MGST1: variants seen among roughly 807,000 people sequenced by gnomAD.
The protein encoded by MGST1 is microsomal glutathione S-transferase 1, also known as glutathione S-transferase 12.
A neutral mutation model predicts 8.9 loss-of-function variants in MGST1; 5 were observed. The ratio of observed to expected loss-of-function variants is 0.56; its 90% CI spans 0.29 to 1.19. MGST1 has a LOEUF of 1.19. MGST1 is among the 50% of genes most tolerant of loss of function. The pLI is 0.08. For missense variants in MGST1, 182 were observed against 187.4 expected (o/e 0.97, Z 0.17); for synonymous variants, 54 against 67.8 (o/e 0.80, Z 1.00).
At chr12:16,447,223 A>T (rs1018051850) in intron 4 of MGST1, among the ~76,000 whole-genome samples, 2 of 151,916 alleles carry the variant, frequency 1.3e-5, no homozygotes, top group African/African-American at 4.8e-5. Flanking sequence ...ATCTAGTTTC[A>T]TGTCCTGCCT....
intron 1 of MGST1, among the ~76,000 whole-genome samples, chr12:16,394,518 CTTT>C (rs1940585154): frequency 2.6e-5 from 2 of 77,678 alleles, no homozygotes; most frequent in African/African-American, 1.0e-4. Context: ...CTCTCCCTTT[CTTT>C]CTTTCTTTCT....
At chr12:16,434,910 C>T (rs964980540) in intron 1 of MGST1, among the ~76,000 whole-genome samples, 27 of 151,960 alleles carry the variant, frequency 1.8e-4, no homozygotes, top group Non-Finnish European at 2.9e-5. Flanking sequence ...ATTGAAAGAA[C>T]ATAAGCAATG....
intron 4 of MGST1, among the ~76,000 whole-genome samples, chr12:16,496,421 CAA>C (rs1378088586): frequency 6.6e-6 from 1 of 152,120 alleles, no homozygotes; most frequent in East Asian, 1.9e-4. Context: ...AACTATAACA[CAA>C]TGTCATTTAA....
intron 1 of MGST1, among the ~76,000 whole-genome samples, chr12:16,432,046 A>G (rs138331972): frequency 2.1e-3 from 318 of 152,248 alleles, no homozygotes; most frequent in African/African-American, 7.4e-3. Context: ...CAATACTACT[A>G]CTTGATGTGG....
chr12:16,532,330 T>A (rs2137201785), intron 4 of MGST1, among the ~76,000 whole-genome samples: 1 of 152,222 alleles, frequency 6.6e-6, no homozygotes, highest in South Asian at 2.1e-4. Flanking sequence ...CCTGCTAAGT[T>A]GTTTCATTCC....
Position 16,470,627 on chromosome 12 carries a change from A to G in MGST1, n.482+87023A>G, listed in dbSNP as rs182371407. On this transcript the variant is annotated intron_variant and non_coding_transcript_variant, in intron 4 of 4. Coordinates refer to the MGST1 transcript ENST00000538857. ...TCTTGTACCAGTATAGATATGATGA[A>G]GAATTTCTAAGTACCTAATCTATTG... 9.8e-5 allele frequency among the ~76,000 whole-genome samples: 15 copies of G among 152,350 alleles called. No individual in the cohort carries two copies. The East Asian group carries it at 2.9e-3, about 29-fold the overall frequency.
At chr12:16,409,428 A>G (rs1940723518) in intron 1 of MGST1, among the ~76,000 whole-genome samples, 1 of 152,120 alleles carries the variant, frequency 6.6e-6, no homozygotes, top group Non-Finnish European at 1.5e-5. Context: ...CAATAGGGTG[A>G]TGTAATAAGG....
rs990503615 is a variant in MGST1 at position 16,537,654 on chromosome 12, T to A, written n.483-51874T>A. Among the ~76,000 whole-genome samples the A allele has an allele frequency of 1.3e-5, 2 of 152,216 alleles. No individual in the cohort carries two copies. The highest frequency in any genetic ancestry group is 2.4e-5 in the African/African-American group (1 of 41,460). On this transcript the variant is annotated intron_variant and non_coding_transcript_variant, in intron 4 of 4. Transcript: ENST00000538857. This position sits in a 1 kb window ranked among gnomAD's most constrained non-coding sequence, Gnocchi z 4.6. Reference sequence around the variant, plus strand: ...CCTCAATTCTTGACTTCTGTGCACCTGCAGACTCAACACCATGTGAAAGGT... The same window carrying A: ...CCTCAATTCTTGACTTCTGTGCACCAGCAGACTCAACACCATGTGAAAGGT...
At position 16,559,308 on chromosome 12, in the gene MGST1, T is replaced by A. The variant is rs1274306176; in HGVS notation, n.483-30220T>A. 6.6e-6 allele frequency among the ~76,000 whole-genome samples: 1 copy of A among 152,164 alleles called. No homozygotes were observed. Among genetic ancestry groups the A allele is most frequent in the East Asian group, 1.9e-4 (1 of 5,200 alleles). On this transcript the variant is annotated intron_variant and non_coding_transcript_variant, in intron 4 of 4. Coordinates refer to the MGST1 transcript ENST00000538857. The surrounding 1 kb of genome is among the most constrained non-coding windows in gnomAD (Gnocchi z 4.1). ...AAAACAGGTGCCAGTAGTATATAGT[T>A]TTCACAGAAATAAAAAATATAACTT... is the stretch of plus-strand genomic sequence containing the variant.
chr12:16,402,214 C>T, intron 1 of MGST1: 2 of 1,586,110 alleles, frequency 1.3e-6, no homozygotes, highest in South Asian at 2.2e-5. Flanking sequence ...ATTTTGTCAT[C>T]ACAAAAGACC....
At chr12:16,387,805 G>A (rs911055931) in intron 1 of MGST1, among the ~76,000 whole-genome samples, 8 of 151,914 alleles carry the variant, frequency 5.3e-5, no homozygotes, top group African/African-American at 7.2e-5. Flanking sequence ...GATTACAGGC[G>A]TGAGCCGCCG....
intron 1 of MGST1, among the ~76,000 whole-genome samples, chr12:16,353,041 T>G (rs1309169752): frequency 1.3e-5 from 2 of 152,072 alleles, no homozygotes; most frequent in African/African-American, 4.8e-5. Context: ...CAATTTTTTT[T>G]TTTGGAGGGG....
rs971094513 is a variant in MGST1 at position 16,560,628 on chromosome 12, G to A, written n.483-28900G>A. 11 of 1,145,046 alleles carry A rather than the reference G, an allele frequency of 9.6e-6. No individual in the cohort carries two copies. Among genetic ancestry groups the A allele is most frequent in the Non-Finnish European group, 1.4e-5 (11 of 790,552 alleles). The allele number at this position is 1,145,046 out of a possible 1,614,324, so 70.9% of individuals were successfully genotyped here. A position where few individuals can be genotyped will look rare whatever the true frequency, so the allele number is the denominator to read the frequency against. On this transcript the variant is annotated intron_variant and non_coding_transcript_variant, in intron 4 of 4. Transcript: ENST00000538857. The surrounding 1 kb of genome is among the most constrained non-coding windows in gnomAD (Gnocchi z 5.0). ...AGATGATGTTAATATACTCTGTAAA[G>A]CTACAATACACAATGCTTTATGATG...
At chr12:16,409,603 C>T (rs1360096250) in intron 1 of MGST1, among the ~76,000 whole-genome samples, 1 of 151,990 alleles carries the variant, frequency 6.6e-6, no homozygotes, top group South Asian at 2.1e-4. Flanking sequence ...TTTTTACCTC[C>T]CTAGAATACA....
chr12:16,553,916 T>TA (rs1312164776), intron 4 of MGST1, among the ~76,000 whole-genome samples: 1 of 151,590 alleles, frequency 6.6e-6, no homozygotes, highest in East Asian at 1.9e-4. Flanking sequence ...GAGGATACTG[T>TA]AAGTATATTA....
chr12:16,355,204 CTTTT>C (rs5796668), intron 2 of MGST1, among the ~76,000 whole-genome samples: 3 of 125,200 alleles, frequency 2.4e-5, no homozygotes, highest in Non-Finnish European at 3.4e-5. Flanking sequence ...TTCCTTGTTA[CTTTT>C]TTTTTTTTTT....
At chr12:16,535,144 C>T (rs933687864) in intron 4 of MGST1, among the ~76,000 whole-genome samples, 4 of 152,176 alleles carry the variant, frequency 2.6e-5, no homozygotes, top group African/African-American at 4.8e-5. Context: ...ACTTTAGTCT[C>T]CCAAATGCCT....
chr12:16,449,329 C>T (rs1002901868), intron 4 of MGST1, among the ~76,000 whole-genome samples: 5 of 151,780 alleles, frequency 3.3e-5, no homozygotes, highest in Admixed American at 6.6e-5. Context: ...AATCTGATCT[C>T]GAGTAAACCC....
At position 16,567,068 on chromosome 12, in the gene MGST1, C is replaced by A. The variant is rs986636038; in HGVS notation, n.483-22460C>A. ...AAAATTAGCTGGGTGTGTTGGCAGG[C>A]GCCTGTATTTCCAGCTACTCAGGAG... On this transcript the variant is annotated intron_variant and non_coding_transcript_variant, in intron 4 of 4. Transcript: ENST00000538857. 2.6e-5 allele frequency among the ~76,000 whole-genome samples: 4 copies of A among 152,170 alleles called. No homozygotes were observed. In the East Asian group the frequency reaches 7.7e-4, roughly 29 times the overall value.
Sources: allele counts gnomAD v4.1 joint callset (sites outside exome capture counted in the v4.1 genomes callset), GRCh38; gene constraint gnomAD v4.1.1; non-coding constraint Gnocchi (gnomAD v3.1); transcripts MANE v1.5; gene names NCBI Gene and HGNC (gene_info 2026-07-23, HGNC 2026-07-21).